COPS9: variants seen among roughly 807,000 people sequenced by gnomAD.
COPS9 encodes the protein COP9 signalosome complex subunit 9.
A neutral mutation model predicts 7.2 loss-of-function variants in COPS9; 8 were observed. That is an observed-to-expected ratio of 1.11 (90% CI 0.65 to 2.00). COPS9 has a LOEUF of 2.00. Ranked by LOEUF, COPS9 falls within the 30% of genes most tolerant of loss-of-function variation. COPS9 has a pLI of 0.00. For missense variants in COPS9, 74 were observed against 77.7 expected, an observed-to-expected ratio of 0.95 and a Z score of 0.18; for synonymous variants, 39 against 28.7, an observed-to-expected ratio of 1.36 and a Z score of -1.14.
At chr2:240,127,542 C>T (rs1413225312), downstream of COPS9, among the ~76,000 whole-genome samples, 1 of 152,176 alleles carries the variant, frequency 6.6e-6, no homozygotes, top group Non-Finnish European at 1.5e-5. Context: ...ATCGAATCCT[C>T]ACCCCCAACC....
intron 1 of COPS9, chr2:240,134,364 G>A (rs933759136): frequency 1.4e-5 from 3 of 209,176 alleles, no homozygotes; most frequent in East Asian, 1.3e-4. Context: ...TGAGCCCATC[G>A]CCTCCACTCA....
At chr2:240,134,633 G>A (rs1288626808) in intron 1 of COPS9, among the ~76,000 whole-genome samples, 1 of 152,196 alleles carries the variant, frequency 6.6e-6, no homozygotes, top group Non-Finnish European at 1.5e-5. Flanking sequence ...CACAGGTCCT[G>A]CTGCTGCCCT....
In COPS9 at chr2:240,132,307, T is replaced by A. The variant is rs79173768; in HGVS notation, c.137-1219A>T. Among the ~76,000 whole-genome samples, 5,903 of 152,198 alleles carry A rather than the reference T, an allele frequency of 0.039. 180 individuals carry two copies. Among genetic ancestry groups the A allele is most frequent in the Admixed American group, 0.1 (1,603 of 15,294 alleles). The stretch of plus-strand genomic sequence containing the variant: ...AGGGTGTAACAGCCCAGCAAACCCA[T>A]CTGTTTGACGAGTAAAAAGGACTTA... On this transcript the variant is annotated intron_variant, in intron 2 of 2. Coordinates refer to ENST00000607357, the MANE Select transcript of COPS9 (RefSeq NM_001163424.2). This position sits in a 1 kb window ranked among gnomAD's most constrained non-coding sequence, Gnocchi z 4.1.
At chr2:240,136,306 G>A, upstream of COPS9, 1 of 1,549,866 alleles carries the variant, frequency 6.5e-7, no homozygotes, top group South Asian at 1.2e-5. Context: ...GGCGCTCTAG[G>A]CTCACTTCCG....
chr2:240,126,861 GC>G, downstream of COPS9: 24 of 1,614,150 alleles, frequency 1.5e-5, no homozygotes, highest in Non-Finnish European at 2.0e-5. Flanking sequence ...AAACATTAGC[GC>G]CTCCGCCCCC....
downstream of COPS9, chr2:240,129,886 C>G (rs762978253): frequency 1.2e-6 from 2 of 1,604,674 alleles, no homozygotes; most frequent in African/African-American, 1.3e-5. Flanking sequence ...CAGTGCAGAC[C>G]TTCTTACAGA....
In COPS9 at chr2:240,134,004, G is replaced by A. The variant is rs757152338; in HGVS notation, c.65C>T (p.Ala22Val). 10 of 1,614,054 alleles carry A rather than the reference G, an allele frequency of 6.2e-6. No individual in the cohort carries two copies. The East Asian group carries it at 1.3e-4, about 22-fold the overall frequency. Residue 22 changes from alanine (A) to valine (V), a missense_variant and splice_region_variant, in exon 2 of 3, where the codon GCG (alanine) becomes GTG (valine). By Grantham distance (64) the Ala-to-Val change is moderately conservative. Coordinates refer to ENST00000607357, the MANE Select transcript of COPS9 (RefSeq NM_001163424.2). ...GAGPYVDLDE[A>V]GGSTGLLMDL... is the part of the protein sequence containing the mutation. ...CATCAAGAGCCCGGTGCTGCCTCCC[G>A]CCTGGGGAATGGAAAGGCAAGGTTA...
downstream of COPS9, chr2:240,130,798 A>G (rs1369198382): frequency 8.7e-6 from 12 of 1,371,668 alleles, no homozygotes; most frequent in South Asian, 1.7e-4. Flanking sequence ...ACATTCACTC[A>G]TAAGTGCAAG....
downstream of COPS9, chr2:240,126,825 C>T (rs758060323): frequency 6.2e-7 from 1 of 1,614,242 alleles, no homozygotes; most frequent in South Asian, 1.1e-5. Flanking sequence ...GTTGGTGCCA[C>T]ACAGCGGATG....
chr2:240,129,977 C>G, downstream of COPS9: 1 of 1,614,002 alleles, frequency 6.2e-7, no homozygotes, highest in Non-Finnish European at 8.5e-7. Context: ...GCCCTCGCTG[C>G]AGTGCGGGAA....
At chr2:240,127,412 C>T (rs185274689), downstream of COPS9, among the ~76,000 whole-genome samples, 1 of 152,276 alleles carries the variant, frequency 6.6e-6, no homozygotes, top group Non-Finnish European at 1.5e-5. Flanking sequence ...GTAGTGCATC[C>T]CAGATGTGTT....
downstream of COPS9, among the ~76,000 whole-genome samples, chr2:240,129,540 T>C (rs1297060053): frequency 1.3e-5 from 2 of 152,044 alleles, no homozygotes; most frequent in African/African-American, 2.4e-5. Flanking sequence ...CCAGTCTGAG[T>C]GTAGCCACAG....
intron 2 of COPS9, 21 bp downstream of exon 2, chr2:240,133,912 T>C: frequency 6.2e-7 from 1 of 1,611,666 alleles, no homozygotes. Flanking sequence ...AAATCTGGCA[T>C]CCCATTCCAA....
At chr2:240,134,703 G>A (rs1347667182) in intron 1 of COPS9, among the ~76,000 whole-genome samples, 1 of 152,130 alleles carries the variant, frequency 6.6e-6, no homozygotes, top group Non-Finnish European at 1.5e-5. Flanking sequence ...ATAGCTGCAT[G>A]CCCTTGTTCC....
Position 240,130,957 on chromosome 2 carries a change from AC to A in COPS9, c.*93del. On this transcript the variant is annotated 3_prime_UTR_variant, in exon 3 of 3. Transcript: ENST00000607357. The stretch of plus-strand genomic sequence containing the variant: ...CAGGTCCTAAATTCAAGGGATTTCC[AC>A]GTGTTCTTTAAAACCACCTGAAACT... 6.5e-7 allele frequency: 1 copy of A among 1,535,592 alleles called. No homozygotes were observed. The highest frequency in any genetic ancestry group is 8.8e-7 in the Non-Finnish European group (1 of 1,141,676).
downstream of COPS9, chr2:240,129,819 G>T: frequency 8.9e-7 from 1 of 1,125,020 alleles, no homozygotes; most frequent in Non-Finnish European, 1.3e-6. Context: ...CCTGCTCCTC[G>T]CCTGCAGATA....
At chr2:240,126,830 C>T (rs777540836), downstream of COPS9, 23 of 1,614,096 alleles carry the variant, frequency 1.4e-5, no homozygotes, top group Admixed American at 1.7e-5. Flanking sequence ...TGCCACACAG[C>T]GGATGTTCTC....
downstream of COPS9, among the ~76,000 whole-genome samples, chr2:240,127,379 TCAAA>T (rs2071877542): frequency 6.6e-6 from 1 of 151,972 alleles, no homozygotes; most frequent in Non-Finnish European, 1.5e-5. Context: ...TCTCTCTCTC[TCAAA>T]CACACACTTC....
At position 240,133,854 on chromosome 2, in the gene COPS9, T is replaced by C. The variant is rs575704794; in HGVS notation, c.136+79A>G. On this transcript the variant is annotated intron_variant, in intron 2 of 2. Transcript: ENST00000607357. The stretch of plus-strand genomic sequence containing the variant: ...CACCTTATGATCCAAATTATTCATG[T>C]CACCAAGTTGCTTCACTGCCTTCAC... 1.4e-4 allele frequency: 194 copies of C among 1,404,584 alleles called. 4 individuals carry two copies. The South Asian group carries it at 1.5e-3, about 11-fold the overall frequency. The allele number at this position is 1,404,584 out of a possible 1,614,324, so 87.0% of individuals were successfully genotyped here. A position where few individuals can be genotyped will look rare whatever the true frequency, so the allele number is the denominator to read the frequency against.
Sources: gnomAD v4.1 joint callset for allele counts (sites outside exome capture counted in the v4.1 genomes callset) on GRCh38, gnomAD v4.1.1 for gene constraint, Gnocchi (gnomAD v3.1) non-coding constraint, MANE v1.5 for transcripts, NCBI Gene and HGNC (gene_info 2026-07-23, HGNC 2026-07-21) for gene names.